ZCCHC17: variants seen among roughly 807,000 people sequenced by gnomAD.
ZCCHC17 encodes the protein zinc finger CCHC-type containing 17.
Under a neutral mutation model 30.6 loss-of-function variants are expected in ZCCHC17, and 18 were observed. The observed-to-expected ratio is 0.59, with a 90% CI of 0.41 to 0.87. The LOEUF (loss-of-function observed/expected upper bound fraction) is 0.87. ZCCHC17 is among the 40% of genes least tolerant of loss of function. ZCCHC17 has a pLI of 0.00. For synonymous variants in ZCCHC17, 88 were observed against 92.4 expected (o/e 0.95, Z 0.27); for missense variants, 263 against 284.2 (o/e 0.93, Z 0.54).
intron 7 of ZCCHC17, among the ~76,000 whole-genome samples, chr1:31,357,056 TG>T (rs1639671095): frequency 1.3e-5 from 2 of 152,228 alleles, no homozygotes. Flanking sequence ...GTAAGTGCCT[TG>T]GGGACCAAGC....
At chr1:31,305,283 T>A (rs866503403) in intron 1 of ZCCHC17, among the ~76,000 whole-genome samples, 13 of 152,012 alleles carry the variant, frequency 8.6e-5, no homozygotes, top group Middle Eastern at 3.4e-3. Context: ...TTTTTTTTTT[T>A]AATTTCTTTT....
chr1:31,339,378 C>T (rs888720096), intron 5 of ZCCHC17, among the ~76,000 whole-genome samples: 4 of 152,260 alleles, frequency 2.6e-5, no homozygotes, highest in East Asian at 1.9e-4. Context: ...GTAGTGCGTG[C>T]CTCTAGTCCC....
intron 3 of ZCCHC17, among the ~76,000 whole-genome samples, chr1:31,328,366 A>G (rs1400174599): frequency 6.6e-6 from 1 of 151,778 alleles, no homozygotes; most frequent in Non-Finnish European, 1.5e-5. Flanking sequence ...ACAAAAATTT[A>G]CTGGTCATGG....
intron 3 of ZCCHC17, 125 bp downstream of exon 3, chr1:31,319,291 T>C (rs1248980478): frequency 1.7e-5 from 13 of 780,016 alleles, no homozygotes; most frequent in Non-Finnish European, 2.5e-5. Flanking sequence ...TTCTTTTTAA[T>C]GTATAGATAT....
At chr1:31,303,885 C>T (rs1646380323) in intron 1 of ZCCHC17, among the ~76,000 whole-genome samples, 1 of 152,218 alleles carries the variant, frequency 6.6e-6, no homozygotes, top group Non-Finnish European at 1.5e-5. Flanking sequence ...GCTCTGACTA[C>T]CCATTCTGGG....
chr1:31,342,598 G>A (rs1639088387), intron 5 of ZCCHC17, among the ~76,000 whole-genome samples: 1 of 152,070 alleles, frequency 6.6e-6, no homozygotes. Flanking sequence ...GTCACAATAG[G>A]GTTTGCACTC....
intron 7 of ZCCHC17, 133 bp downstream of exon 7, chr1:31,349,107 G>A: frequency 9.1e-7 from 1 of 1,104,296 alleles, no homozygotes; most frequent in Non-Finnish European, 1.2e-6. Context: ...ATTGCTCGAG[G>A]CCAGAAGTTT....
chr1:31,362,338 G>A (rs1384236170), intron 7 of ZCCHC17, among the ~76,000 whole-genome samples: 1 of 152,154 alleles, frequency 6.6e-6, no homozygotes, highest in Admixed American at 6.5e-5. Context: ...TTGGAAGCTG[G>A]CATCCTTTTC....
intron 7 of ZCCHC17, among the ~76,000 whole-genome samples, chr1:31,360,985 A>G (rs1639866449): frequency 1.3e-5 from 2 of 152,196 alleles, no homozygotes; most frequent in Non-Finnish European, 2.9e-5. Context: ...CCAGGCTTGC[A>G]GGGAACTGGT....
At chr1:31,333,845 T>C (rs1050068071) in intron 3 of ZCCHC17, among the ~76,000 whole-genome samples, 1 of 152,218 alleles carries the variant, frequency 6.6e-6, no homozygotes, top group Non-Finnish European at 1.5e-5. Flanking sequence ...AGAAGAATAG[T>C]GTTCCCTCAA....
At position 31,364,353 on chromosome 1, in the gene ZCCHC17, T is replaced by C. The variant is rs1438869419; in HGVS notation, c.*160T>C. On this transcript the variant is annotated 3_prime_UTR_variant, in exon 8 of 8. Transcript: ENST00000344147. The stretch of plus-strand genomic sequence containing the variant: ...CTCATGCAACAGGCAGGTTTGGGAG[T>C]TAGAGGTCAAAAGCAGCTGCCTGAA... 7.5e-7 allele frequency: 1 copy of C among 1,331,856 alleles called. No individual in the cohort carries two copies. The highest frequency in any genetic ancestry group is 1.0e-6 in the Non-Finnish European group (1 of 1,000,858). The allele number at this position is 1,331,856 out of a possible 1,614,324, so 82.5% of individuals were successfully genotyped here.
chr1:31,351,178 C>T (rs1031723205), intron 7 of ZCCHC17, among the ~76,000 whole-genome samples: 3 of 152,160 alleles, frequency 2.0e-5, no homozygotes, highest in Non-Finnish European at 4.4e-5. Flanking sequence ...CTCTCCCAGT[C>T]TCCCAAGAAA....
At chr1:31,326,396 G>A (rs918595943) in intron 3 of ZCCHC17, among the ~76,000 whole-genome samples, 28 of 152,204 alleles carry the variant, frequency 1.8e-4, no homozygotes, top group African/African-American at 6.5e-4. Context: ...TGGTTTACCA[G>A]CAGTTTTCAA....
At chr1:31,331,776 TAATTTTTGTATTTTTAGTAGAGA>T (rs1638599617) in intron 3 of ZCCHC17, among the ~76,000 whole-genome samples, 1 of 151,818 alleles carries the variant, frequency 6.6e-6, no homozygotes, top group Non-Finnish European at 1.5e-5. Flanking sequence ...CATGCCCAAC[TAATTTTTGTATTTTTAGTAGAGA>T]TGGGGTTTCA....
chr1:31,357,679 A>T (rs1440441170), intron 7 of ZCCHC17, among the ~76,000 whole-genome samples: 1 of 152,204 alleles, frequency 6.6e-6, no homozygotes, highest in Non-Finnish European at 1.5e-5. Flanking sequence ...AATTTGATTA[A>T]GGGAGATAGG....
At chr1:31,361,958 C>T (rs959626490) in intron 7 of ZCCHC17, among the ~76,000 whole-genome samples, 6 of 152,006 alleles carry the variant, frequency 3.9e-5, no homozygotes, top group East Asian at 3.9e-4. Flanking sequence ...ACTACAGGCC[C>T]GCGTAACCAC....
In ZCCHC17 at chr1:31,364,187, G is replaced by A; in HGVS notation, c.720G>A (p.Lys240=). The A allele has an allele frequency of 6.2e-7, 1 of 1,613,234 alleles. No individual in the cohort carries two copies. The highest frequency in any genetic ancestry group is 8.5e-7 in the Non-Finnish European group (1 of 1,179,794). The change falls in exon 8 of 8, where the codon AAG becomes AAA. Residue 240 remains lysine, a synonymous_variant. Coordinates refer to ENST00000344147, the MANE Select transcript of ZCCHC17 (RefSeq NM_016505.4). ...AGAAGAAGCACAAGAAGAAGCACAA[G>A]GAGTGAGAGTATAAAGAGTGTAGGG... ...KKKKKHKKKH[K]E
Position 31,360,696 on chromosome 1 carries a change from C to T in ZCCHC17, c.565-3336C>T, listed in dbSNP as rs1639850849. Among the ~76,000 whole-genome samples the T allele has an allele frequency of 2.0e-5, 3 of 152,194 alleles. No homozygotes were observed. The South Asian group carries it at 6.2e-4, about 32-fold the overall frequency. ...CTCTCCAGTGATTTGTTTTTATCTT[C>T]CCTCCTCCTGAGCCTTCATCTTTGA... On this transcript the variant is annotated intron_variant, in intron 7 of 7. Transcript: ENST00000344147.
At chr1:31,320,560 G>A (rs1259990240) in intron 3 of ZCCHC17, among the ~76,000 whole-genome samples, 6 of 152,268 alleles carry the variant, frequency 3.9e-5, no homozygotes, top group African/African-American at 1.4e-4. Context: ...TCTTGTAAAT[G>A]GAATAATGCA....
Sources: gnomAD v4.1 joint callset for allele counts (sites outside exome capture counted in the v4.1 genomes callset) on GRCh38, gnomAD v4.1.1 for gene constraint, MANE v1.5 for transcripts, NCBI Gene and HGNC (gene_info 2026-07-23, HGNC 2026-07-21) for gene names.